Variants in TMPRSS9 observed in about 807,000 individuals in gnomAD.
TMPRSS9 encodes transmembrane protease serine 9.
TMPRSS9 carries 113 observed loss-of-function variants against 111.4 expected under a neutral mutation model. That is an observed-to-expected ratio of 1.01 (90% CI 0.87 to 1.19). The LOEUF is 1.19. Among genes scored for constraint, TMPRSS9 ranks in the 50% most tolerant of loss-of-function variants. TMPRSS9 has a pLI of 0.00. For synonymous variants in TMPRSS9, 805 were observed against 659.1 expected, an observed-to-expected ratio of 1.22 and a Z score of -3.39; for missense variants, 1,803 against 1,513.1, an observed-to-expected ratio of 1.19 and a Z score of -3.18.
chr19:2,372,752 A>T (rs1970300325), intron 1 of TMPRSS9, among the ~76,000 whole-genome samples: 1 of 151,976 alleles, frequency 6.6e-6, no homozygotes, highest in South Asian at 2.1e-4. Flanking sequence ...ATTTTTTTTT[A>T]ACTCTAAACA....
intron 1 of TMPRSS9, among the ~76,000 whole-genome samples, chr19:2,382,931 G>A (rs1970404122): frequency 6.6e-6 from 1 of 152,182 alleles, no homozygotes; most frequent in Non-Finnish European, 1.5e-5. Flanking sequence ...GCAGTCTCAA[G>A]CCCAAAGGCT....
At chr19:2,426,188 T>TA in exon 18 of TMPRSS9, 2 of 945,502 alleles carry the variant, frequency 2.1e-6, no homozygotes, top group Admixed American at 7.6e-5. Flanking sequence ...AGGACGGGTG[T>TA]GGGGGGGCTG....
chr19:2,384,109 C>T (rs989507118), intron 1 of TMPRSS9, among the ~76,000 whole-genome samples: 1 of 152,146 alleles, frequency 6.6e-6, no homozygotes. Context: ...GGACCCCGCC[C>T]GGGGAAACAG....
chr19:2,415,534 G>A (rs1392053939), intron 10 of TMPRSS9, 136 bp from the exon 12 acceptor site: 4 of 830,348 alleles, frequency 4.8e-6, no homozygotes, highest in African/African-American at 1.8e-5. Context: ...AAGCCTCCAC[G>A]GCTTCTTGTG....
At position 2,403,158 on chromosome 19, in the gene TMPRSS9, G is replaced by T. The variant is rs771871753; in HGVS notation, c.633G>T (p.Gln211His). ...AGGTGAACCCGGAGTGTGACGACCA[G>T]GAGGACTGCTCCGATGGGTCCGACG... Residue 211 changes from glutamine to histidine, a missense_variant, in exon 6 of 18, where the codon CAG becomes CAT. Coordinates refer to ENST00000648592, the Ensembl canonical transcript of TMPRSS9. 178 of 1,612,156 alleles carry T rather than the reference G, an allele frequency of 1.1e-4. 4 individuals are homozygous for T. In the South Asian group the frequency reaches 1.9e-3, roughly 17 times the overall value.
intron 13 of TMPRSS9, among the ~76,000 whole-genome samples, chr19:2,421,578 C>T (rs576106361): frequency 1.3e-5 from 2 of 152,116 alleles, no homozygotes; most frequent in Non-Finnish European, 1.5e-5. Context: ...TGAGCCACCA[C>T]GCCTGGCCTT....
At chr19:2,370,760 C>T (rs1353442089) in intron 1 of TMPRSS9, among the ~76,000 whole-genome samples, 1 of 151,920 alleles carries the variant, frequency 6.6e-6, no homozygotes, top group Non-Finnish European at 1.5e-5. Context: ...TATATATTGC[C>T]CAGACTGGAC....
intron 7 of TMPRSS9, among the ~76,000 whole-genome samples, chr19:2,407,592 T>TTTTTTTCTTTTC (rs1555679318): frequency 2.7e-3 from 235 of 87,936 alleles, no homozygotes; most frequent in African/African-American, 9.7e-3. Context: ...CACCTGTGAT[T>TTTTTTTCTTTTC]TTTTTCTTTT....
At chr19:2,376,378 C>T (rs1435972577) in intron 1 of TMPRSS9, among the ~76,000 whole-genome samples, 1 of 152,150 alleles carries the variant, frequency 6.6e-6, no homozygotes, top group African/African-American at 2.4e-5. Flanking sequence ...ATGGAAGGCA[C>T]CACATTTACA....
intron 1 of TMPRSS9, among the ~76,000 whole-genome samples, chr19:2,362,386 C>CTG (rs55644423): frequency 0.15 from 22,958 of 151,074 alleles, 2,251 homozygotes; most frequent in African/African-American, 0.27. Context: ...GTCATTGTGC[C>CTG]TGTGATTGTG....
intron 14 of TMPRSS9, among the ~76,000 whole-genome samples, chr19:2,422,561 C>T (rs561571923): frequency 4.7e-5 from 7 of 149,564 alleles, no homozygotes; most frequent in South Asian, 2.1e-4. Flanking sequence ...TGGCAACAAG[C>T]GAAACTCCGT....
At position 2,389,958 on chromosome 19, in the gene TMPRSS9, A is replaced by C. The variant is rs770896651; in HGVS notation, c.142+31A>C. ...TGGCTATGGGATTGGCTGGGTTCGC[A>C]ATACAAGGGACATGTGCAAAGTCAC... is the stretch of plus-strand genomic sequence containing the variant. On this transcript the variant is annotated intron_variant, in intron 1 of 17. Transcript: ENST00000648592. The C allele has an allele frequency of 3.8e-6, 6 of 1,589,738 alleles. No individual in the cohort carries two copies. In the Admixed American group the frequency reaches 5.1e-5, roughly 13 times the overall value.
intron 1 of TMPRSS9, among the ~76,000 whole-genome samples, chr19:2,362,156 A>G (rs768842766): frequency 2.0e-5 from 3 of 151,348 alleles, no homozygotes; most frequent in East Asian, 3.9e-4. Flanking sequence ...GTGATTGTGT[A>G]TGGTTGTGTG....
chr19:2,371,620 C>T (rs566467391), intron 1 of TMPRSS9, among the ~76,000 whole-genome samples: 1 of 152,218 alleles, frequency 6.6e-6, no homozygotes, highest in African/African-American at 2.4e-5. Flanking sequence ...TCGGTTGAAC[C>T]CAGGAGGTGG....
At chr19:2,363,797 T>TGCGCGCGCGCGCGC (rs1568464296) in intron 1 of TMPRSS9, among the ~76,000 whole-genome samples, 1 of 130,670 alleles carries the variant, frequency 7.7e-6, no homozygotes, top group African/African-American at 2.9e-5. Context: ...TGAGTGTGTG[T>TGCGCGCGCGCGCGC]GTGTGTGCGT....
intron 10 of TMPRSS9, chr19:2,414,301 G>A (rs1434839015): frequency 1.5e-5 from 4 of 262,538 alleles, no homozygotes; most frequent in African/African-American, 6.6e-5. Context: ...GTGCAGTGGC[G>A]TGATCTCGGC....
rs1444922672 is a variant in TMPRSS9, at chr19:2,374,091, T to A, written c.-26+13731T>A. ...CAAATCTGGGCAGTGCTTTATAACA[T>A]TTTCCCGAGCTACAGAGCTCTGACC... On this transcript the variant is annotated intron_variant, in intron 1 of 17. Transcript: ENST00000649857. Among the ~76,000 whole-genome samples the A allele has an allele frequency of 2.0e-5, 3 of 151,934 alleles. No individual in the cohort carries two copies. The South Asian group carries it at 6.2e-4, about 32-fold the overall frequency.
rs529460333 is a variant in TMPRSS9 at position 2,369,492 on chromosome 19, G to A, written c.-26+9132G>A. ...CAGGCTGCAGTGTAGTGGCTTGATC[G>A]CAGCTCACTGCAGCCTCAACCTCCT... On this transcript the variant is annotated intron_variant, in intron 1 of 17. Coordinates refer to the TMPRSS9 transcript ENST00000649857. Among the ~76,000 whole-genome samples, 9 of 151,526 alleles carry A rather than the reference G, an allele frequency of 5.9e-5. No homozygotes were observed. The South Asian group carries it at 8.4e-4, about 14-fold the overall frequency.
chr19:2,363,111 C>T (rs181882510), intron 1 of TMPRSS9, among the ~76,000 whole-genome samples: 44 of 152,314 alleles, frequency 2.9e-4, no homozygotes, highest in Admixed American at 2.4e-3. Context: ...AATGGGAGTC[C>T]GTGTGTGCCC....
Sources: allele counts gnomAD v4.1 joint callset (sites outside exome capture counted in the v4.1 genomes callset), GRCh38; gene constraint gnomAD v4.1.1; transcripts MANE v1.5; gene names NCBI Gene and HGNC (gene_info 2026-07-23, HGNC 2026-07-21).